TXLNB: variants seen among roughly 807,000 people sequenced by gnomAD.
TXLNB encodes the protein taxilin beta.
A neutral mutation model predicts 57.4 loss-of-function variants in TXLNB; 37 were observed. The observed-to-expected ratio is 0.64, with a 90% confidence interval of 0.50 to 0.85. The LOEUF (loss-of-function observed/expected upper bound fraction) is 0.85. Ranked by LOEUF, TXLNB falls within the 40% of genes least tolerant of loss-of-function variation. TXLNB has a pLI of 0.00. For synonymous variants in TXLNB, 302 were observed against 309.6 expected (o/e 0.98, Z 0.26); for missense variants, 848 against 825.6 (o/e 1.03, Z -0.33).
chr6:139,179,966 C>T, the TXLNB span: 1 of 152,084 alleles, frequency 6.6e-6, no homozygotes, highest in Non-Finnish European at 1.5e-5. Flanking sequence ...ATACAATGAT[C>T]TGCTTTAGTG....
chr6:139,164,972 T>C, the TXLNB span, among the ~76,000 whole-genome samples: 2 of 152,198 alleles, frequency 1.3e-5, no homozygotes, highest in East Asian at 3.8e-4. Context: ...CAGCTTCTTT[T>C]GTAAATAAAA....
At chr6:139,247,674 C>T (rs1776099947) in intron 8 of TXLNB, 143 bp downstream of exon 8, 1 of 507,514 alleles carries the variant, frequency 2.0e-6, no homozygotes, top group African/African-American at 2.0e-5. Flanking sequence ...AAAATACAGC[C>T]CAAACCTCAT....
At chr6:139,273,103 A>C (rs577799171) in intron 3 of TXLNB, among the ~76,000 whole-genome samples, 45 of 152,224 alleles carry the variant, frequency 3.0e-4, no homozygotes, top group Non-Finnish European at 5.6e-4. Context: ...TCTGGCGTAG[A>C]CTTTACCTTC....
At chr6:139,162,194 A>G in the TXLNB span, among the ~76,000 whole-genome samples, 1 of 152,108 alleles carries the variant, frequency 6.6e-6, no homozygotes, top group Non-Finnish European at 1.5e-5. Flanking sequence ...GACTCAAGTA[A>G]GATTGGGGCC....
At chr6:139,209,956 A>G in the TXLNB span, among the ~76,000 whole-genome samples, 1 of 152,192 alleles carries the variant, frequency 6.6e-6, no homozygotes, top group Non-Finnish European at 1.5e-5. Flanking sequence ...ATATTTGTAA[A>G]CTATGCATCT....
the TXLNB span, chr6:139,176,901 G>A: frequency 1.2e-6 from 1 of 848,504 alleles, no homozygotes. This position sits in a 1 kb window ranked among gnomAD's most constrained non-coding sequence, Gnocchi z 4.5. Context: ...GTGTTGGGAA[G>A]TGGAGGGGTG....
At chr6:139,172,582 G>T in the TXLNB span, among the ~76,000 whole-genome samples, 1 of 152,074 alleles carries the variant, frequency 6.6e-6, no homozygotes, top group Admixed American at 6.5e-5. Flanking sequence ...CTGAAGAATC[G>T]GCTTTTTGTT....
chr6:139,194,062 C>T, the TXLNB span, among the ~76,000 whole-genome samples: 7,370 of 151,304 alleles, frequency 0.049, 191 homozygotes, highest in African/African-American at 0.06. Context: ...AGGATGGTCT[C>T]GATCTCCTGA....
At chr6:139,198,195 C>CTTT in the TXLNB span, among the ~76,000 whole-genome samples, 18 of 144,974 alleles carry the variant, frequency 1.2e-4, no homozygotes, top group African/African-American at 3.8e-4. Context: ...ATCCATTGTA[C>CTTT]TTTTTTTTTT....
At chr6:139,212,386 T>C in the TXLNB span, among the ~76,000 whole-genome samples, 3,239 of 152,238 alleles carry the variant, frequency 0.021, 120 homozygotes, top group African/African-American at 0.074. Flanking sequence ...CTAAGCTTCA[T>C]AAGTGAAGGA....
the TXLNB span, among the ~76,000 whole-genome samples, chr6:139,311,317 A>G: frequency 6.7e-6 from 1 of 148,368 alleles, no homozygotes; most frequent in Non-Finnish European, 1.5e-5. Flanking sequence ...TCTCTGAGCC[A>G]TATCTTTCTT....
chr6:139,195,076 G>A, the TXLNB span, among the ~76,000 whole-genome samples: 1 of 152,078 alleles, frequency 6.6e-6, no homozygotes, highest in South Asian at 2.1e-4. Flanking sequence ...CTTTCTCAAG[G>A]GCCTTCAGGG....
chr6:139,169,706 CTAGCTTGGACT>C, the TXLNB span: 1 of 152,198 alleles, frequency 6.6e-6, no homozygotes, highest in East Asian at 1.9e-4. Context: ...TTCCAGTAGG[CTAGCTTGGACT>C]TTTTCACATG....
rs572593935 is a variant in TXLNB at position 139,244,206 on chromosome 6, C to T, written c.1266+389G>A. Among the ~76,000 whole-genome samples the T allele has an allele frequency of 2.0e-5, 3 of 152,328 alleles. No homozygotes were observed. The South Asian group carries it at 6.2e-4, about 32-fold the overall frequency. On this transcript the variant is annotated intron_variant, in intron 9 of 9. Transcript: ENST00000358430. The stretch of plus-strand genomic sequence containing the variant: ...CACTGGACTCTTGGGCTGGTGTCTT[C>T]TCGCAGTATGTTCAAATCAACTAAT...
rs200899774 is a variant in TXLNB, at chr6:139,244,038, A to G, written c.1266+557T>C. 5.9e-5 allele frequency among the ~76,000 whole-genome samples: 9 copies of G among 151,908 alleles called. No homozygotes were observed. The East Asian group carries it at 1.5e-3, about 26-fold the overall frequency. ...GGAGAGACCTTCACCTGTAAGCCCT[A>G]CCTCTCAGGTCAGGGGCCATGTATC... On this transcript the variant is annotated intron_variant, in intron 9 of 9. Transcript: ENST00000358430.
the TXLNB span, among the ~76,000 whole-genome samples, chr6:139,172,391 T>A: frequency 4.6e-5 from 7 of 152,180 alleles, no homozygotes; most frequent in Non-Finnish European, 1.0e-4. Flanking sequence ...CCTTTCTGGA[T>A]TACTACTCCC....
chr6:139,298,460 A>G, the TXLNB span, among the ~76,000 whole-genome samples: 1 of 152,320 alleles, frequency 6.6e-6, no homozygotes, highest in African/African-American at 2.4e-5. Context: ...AGATCAGAAT[A>G]AGGTGTGTTA....
chr6:139,209,285 G>A, the TXLNB span, among the ~76,000 whole-genome samples: 1 of 152,132 alleles, frequency 6.6e-6, no homozygotes, highest in Non-Finnish European at 1.5e-5. Flanking sequence ...AAACACTGCG[G>A]AAAGAAATCA....
chr6:139,224,626 A>G, the TXLNB span, among the ~76,000 whole-genome samples: 662 of 148,390 alleles, frequency 4.5e-3, 4 homozygotes, highest in African/African-American at 0.016. Context: ...TGTGCCAATA[A>G]ATATGAAAAT....
Sources: gnomAD v4.1 joint callset for allele counts (sites outside exome capture counted in the v4.1 genomes callset) on GRCh38, gnomAD v4.1.1 for gene constraint, Gnocchi (gnomAD v3.1) non-coding constraint, MANE v1.5 for transcripts, NCBI Gene and HGNC (gene_info 2026-07-23, HGNC 2026-07-21) for gene names.